MAF: variants seen among roughly 807,000 people sequenced by gnomAD.
The protein encoded by MAF is transcription factor Maf.
MAF carries 10 observed loss-of-function variants against 22.0 expected under a neutral mutation model. The observed-to-expected ratio is 0.45, with a 90% CI of 0.28 to 0.77. MAF has a LOEUF of 0.77. MAF is among the 30% of genes least tolerant of loss of function. MAF has a pLI of 0.12. For missense variants in MAF, 544 were observed against 548.4 expected (o/e 0.99, Z 0.08); for synonymous variants, 337 against 255.8 (o/e 1.32, Z -3.03).
the MAF span, among the ~76,000 whole-genome samples, chr16:79,308,762 A>G: frequency 6.6e-6 from 1 of 152,176 alleles, no homozygotes; most frequent in Admixed American, 6.5e-5. Flanking sequence ...TTGCAGAGCT[A>G]GAAAGTTGCA....
the MAF span, chr16:79,205,639 G>C: frequency 6.6e-6 from 1 of 152,154 alleles, no homozygotes; most frequent in Admixed American, 6.5e-5. Context: ...TAAAGGTTAA[G>C]AATAGCCTGT....
the MAF span, among the ~76,000 whole-genome samples, chr16:79,358,977 G>A: frequency 6.6e-6 from 1 of 152,176 alleles, no homozygotes; most frequent in Non-Finnish European, 1.5e-5. Flanking sequence ...GATTTAGAGT[G>A]CCGGAATGAA....
At chr16:79,321,707 G>A in the MAF span, among the ~76,000 whole-genome samples, 1 of 145,426 alleles carries the variant, frequency 6.9e-6, no homozygotes, top group African/African-American at 2.6e-5. Context: ...CTGGAGTGTA[G>A]TGGCACAATC....
At chr16:79,535,237 T>A in the MAF span, among the ~76,000 whole-genome samples, 2 of 152,068 alleles carry the variant, frequency 1.3e-5, no homozygotes, top group African/African-American at 4.8e-5. Flanking sequence ...AGACATTGCT[T>A]TTCACACTGT....
the MAF span, among the ~76,000 whole-genome samples, chr16:79,231,931 T>A: frequency 1.3e-5 from 2 of 152,138 alleles, no homozygotes; most frequent in Middle Eastern, 3.4e-3. Flanking sequence ...TGGGAAGCAG[T>A]GACAGATCAT....
the MAF span, among the ~76,000 whole-genome samples, chr16:79,484,090 C>T: frequency 3.3e-5 from 5 of 152,326 alleles, no homozygotes; most frequent in South Asian, 1.0e-3. Context: ...CTCTCTCTAA[C>T]TGAATGGCAC....
the MAF span, among the ~76,000 whole-genome samples, chr16:79,450,569 A>T: frequency 6.6e-6 from 1 of 152,202 alleles, no homozygotes; most frequent in Non-Finnish European, 1.5e-5. Context: ...ATCCCTCAAG[A>T]AGATATTGTA....
chr16:79,590,921 C>A (rs886780921), downstream of MAF, among the ~76,000 whole-genome samples: 4 of 152,104 alleles, frequency 2.6e-5, no homozygotes, highest in African/African-American at 9.7e-5. Flanking sequence ...AAGTCAGAAA[C>A]GCACTTCTAC....
At chr16:79,213,049 A>ATGTT in the MAF span, 10 of 152,056 alleles carry the variant, frequency 6.6e-5, no homozygotes, top group Admixed American at 1.3e-4. Context: ...GGGTATCTCT[A>ATGTT]TGTTTGAGAA....
the MAF span, among the ~76,000 whole-genome samples, chr16:79,244,976 C>A: frequency 6.6e-6 from 1 of 152,176 alleles, no homozygotes; most frequent in East Asian, 1.9e-4. Flanking sequence ...AAAGGTTTCC[C>A]TATTTGATAA....
At chr16:79,425,022 T>C in the MAF span, among the ~76,000 whole-genome samples, 1 of 152,154 alleles carries the variant, frequency 6.6e-6, no homozygotes, top group Non-Finnish European at 1.5e-5. Context: ...AGGTGATTTT[T>C]TTTGTTGTTT....
At chr16:79,404,083 T>C in the MAF span, among the ~76,000 whole-genome samples, 1 of 152,184 alleles carries the variant, frequency 6.6e-6, no homozygotes, top group Admixed American at 6.5e-5. Context: ...CCTTGATCTG[T>C]TTCCATTTTT....
At chr16:79,286,594 T>G in the MAF span, among the ~76,000 whole-genome samples, 1 of 152,222 alleles carries the variant, frequency 6.6e-6, no homozygotes, top group Non-Finnish European at 1.5e-5. Context: ...TTCACTCACT[T>G]TTTTCAGCAT....
the MAF span, among the ~76,000 whole-genome samples, chr16:79,218,159 G>C: frequency 6.6e-6 from 1 of 152,142 alleles, no homozygotes; most frequent in South Asian, 2.1e-4. Flanking sequence ...AAACAGCTCT[G>C]AGTTGTATCT....
chr16:79,451,806 T>C, the MAF span, among the ~76,000 whole-genome samples: 13 of 152,346 alleles, frequency 8.5e-5, no homozygotes, highest in East Asian at 1.9e-3. Context: ...TCTATGCTTC[T>C]AGACTTTTGC....
chr16:79,340,757 C>G, the MAF span, among the ~76,000 whole-genome samples: 1 of 152,090 alleles, frequency 6.6e-6, no homozygotes, highest in African/African-American at 2.4e-5. Flanking sequence ...CCATCAGCCA[C>G]CGCTCCTGAG....
the MAF span, among the ~76,000 whole-genome samples, chr16:79,413,913 G>A: frequency 1.3e-5 from 2 of 152,188 alleles, no homozygotes; most frequent in African/African-American, 4.8e-5. Context: ...TGGGGAATCA[G>A]TGAGTGTGCT....
chr16:79,472,054 C>T, the MAF span, among the ~76,000 whole-genome samples: 1 of 152,098 alleles, frequency 6.6e-6, no homozygotes, highest in African/African-American at 2.4e-5. Flanking sequence ...TTCAGCCTGA[C>T]CTCTCTTTCC....
the MAF span, among the ~76,000 whole-genome samples, chr16:79,238,722 T>G: frequency 6.6e-6 from 1 of 152,026 alleles, no homozygotes; most frequent in Non-Finnish European, 1.5e-5. Flanking sequence ...GGGATATACT[T>G]CTGCTGAAAA....
Sources: gnomAD v4.1 joint callset for allele counts (sites outside exome capture counted in the v4.1 genomes callset) on GRCh38, gnomAD v4.1.1 for gene constraint, MANE v1.5 for transcripts, NCBI Gene and HGNC (gene_info 2026-07-23, HGNC 2026-07-21) for gene names.